The following TUBA8 variants were observed in gnomAD, a reference collection of about 807,000 sequenced individuals.
TUBA8 encodes tubulin alpha-8 chain.
Under a neutral mutation model 34.7 loss-of-function variants are expected in TUBA8, and 29 were observed. The ratio of observed to expected loss-of-function variants is 0.84; its 90% CI spans 0.62 to 1.14. The LOEUF (loss-of-function observed/expected upper bound fraction) is 1.14, where lower values mean the gene tolerates loss of function less well. TUBA8 is among the 50% of genes most tolerant of loss of function. The pLI is 0.00. For missense variants in TUBA8, 541 were observed against 599.2 expected, an observed-to-expected ratio of 0.90 and a Z score of 1.01; for synonymous variants, 226 against 231.2, an observed-to-expected ratio of 0.98 and a Z score of 0.21.
In TUBA8 at chr22:18,121,428, G is replaced by A. The variant is rs374198041; in HGVS notation, c.4-51G>A. On this transcript the variant is annotated intron_variant, in intron 1 of 4. Transcript: ENST00000330423. This position sits in a 1 kb window ranked among gnomAD's most constrained non-coding sequence, Gnocchi z 4.8. ...AATGTTATGGGGATGTAGGGCAAAGGCATGCTGGGGGCCCAGACTCTCTGA... is the reference window on the plus strand; with the variant it reads ...AATGTTATGGGGATGTAGGGCAAAGACATGCTGGGGGCCCAGACTCTCTGA... 7.8e-5 allele frequency: 119 copies of A among 1,521,794 alleles called. No homozygotes were observed. The highest frequency in any genetic ancestry group is 3.0e-4 in the Admixed American group (18 of 59,886). 94.3% of individuals were successfully genotyped at this position (1,521,794 alleles called of 1,614,324 possible).
In TUBA8 at chr22:18,121,328, C is replaced by T. The variant is rs1928137920; in HGVS notation, c.4-151C>T. 1 of 683,558 alleles carries T rather than the reference C, an allele frequency of 1.5e-6. No homozygotes were observed. Among genetic ancestry groups the T allele is most frequent in the South Asian group, 1.7e-5 (1 of 59,312 alleles). The allele number at this position is 683,558 out of a possible 1,614,324, so 42.3% of individuals were successfully genotyped here. A position where few individuals can be genotyped will look rare whatever the true frequency, so the allele number is the denominator to read the frequency against. ...TTGGATCTAAGTCCTGGTCCAGCTGCTATAGAGCTGGGGCACCTGCAGCCT... is the reference window on the plus strand; with the variant it reads ...TTGGATCTAAGTCCTGGTCCAGCTGTTATAGAGCTGGGGCACCTGCAGCCT... On this transcript the variant is annotated intron_variant, in intron 1 of 4. Coordinates refer to ENST00000330423, the MANE Select transcript of TUBA8 (RefSeq NM_018943.3). This position sits in a 1 kb window ranked among gnomAD's most constrained non-coding sequence, Gnocchi z 4.8.
chr22:18,126,223 T>G lies in TUBA8; in HGVS notation c.376-131T>G, dbSNP rs1231648549. On this transcript the variant is annotated intron_variant, in intron 3 of 4. Coordinates refer to ENST00000330423, the MANE Select transcript of TUBA8 (RefSeq NM_018943.3). This position sits in a 1 kb window ranked among gnomAD's most constrained non-coding sequence, Gnocchi z 4.0. ...ATACAACTCCTTTTGTTTCCTTACT[T>G]CTTCAAAGCTGTTTTGATTTCATCC... 1.1e-6 allele frequency: 1 copy of G among 876,328 alleles called. No individual in the cohort carries two copies. The highest frequency in any genetic ancestry group is 2.1e-5 in the Admixed American group (1 of 48,480). The allele number at this position is 876,328 out of a possible 1,614,324, so 54.3% of individuals were successfully genotyped here.
chr22:18,124,024 G>T lies in TUBA8; in HGVS notation c.227-132G>T. 9.3e-7 allele frequency: 1 copy of T among 1,075,510 alleles called. No homozygotes were observed. The highest frequency in any genetic ancestry group is 1.3e-5 in the South Asian group (1 of 75,524). 66.6% of individuals were successfully genotyped at this position (1,075,510 alleles called of 1,614,324 possible). On this transcript the variant is annotated intron_variant, in intron 2 of 4. Coordinates refer to ENST00000330423, the MANE Select transcript of TUBA8 (RefSeq NM_018943.3). This position sits in a 1 kb window ranked among gnomAD's most constrained non-coding sequence, Gnocchi z 4.3. ...TCTTAGCCTTTTGCAGATTCATTAC[G>T]AGGTGGTCTGGCTTCAAACCTCCAT...
Position 18,121,745 on chromosome 22 carries a change from C to T in TUBA8, c.226+44C>T, listed in dbSNP as rs1328717977. The stretch of plus-strand genomic sequence containing the variant: ...CCCCTCCACAGAGAACATCTCGAAA[C>T]TGCAGAGGCATTGGCCCACAGTAGC... On this transcript the variant is annotated intron_variant, in intron 2 of 4. Coordinates refer to ENST00000330423, the MANE Select transcript of TUBA8 (RefSeq NM_018943.3). This position sits in a 1 kb window ranked among gnomAD's most constrained non-coding sequence, Gnocchi z 4.8. The T allele has an allele frequency of 6.3e-7, 1 of 1,583,124 alleles. No individual in the cohort carries two copies. Among genetic ancestry groups the T allele is most frequent in the African/African-American group, 1.3e-5 (1 of 74,286 alleles).
intron 4 of TUBA8, 42 bp from the exon 5 acceptor site, chr22:18,130,801 T>G: frequency 6.2e-7 from 1 of 1,612,110 alleles, no homozygotes; most frequent in Non-Finnish European, 8.5e-7. Context: ...CTGGCTGACT[T>G]GTATCTTCTT....
Position 18,121,823 on chromosome 22 carries a change from C to T in TUBA8, c.226+122C>T, listed in dbSNP as rs1928160484. ...GTGGGGATGGTGCAACCGCAGCCTC[C>T]CACCCCACGTGACATCTGTCAGCTC... On this transcript the variant is annotated intron_variant, in intron 2 of 4. Transcript: ENST00000330423. The surrounding 1 kb of genome is among the most constrained non-coding windows in gnomAD (Gnocchi z 4.8). 1.1e-6 allele frequency: 1 copy of T among 910,530 alleles called. No individual in the cohort carries two copies. The highest frequency in any genetic ancestry group is 1.5e-5 in the South Asian group (1 of 64,552). The allele number at this position is 910,530 out of a possible 1,614,324, so 56.4% of individuals were successfully genotyped here. A position where few individuals can be genotyped will look rare whatever the true frequency, so the allele number is the denominator to read the frequency against.
At position 18,126,173 on chromosome 22, in the gene TUBA8, A is replaced by G. The variant is rs1406859863; in HGVS notation, c.376-181A>G. 7.9e-6 allele frequency: 5 copies of G among 633,454 alleles called. No individual in the cohort carries two copies. The highest frequency in any genetic ancestry group is 1.1e-5 in the Non-Finnish European group (4 of 363,268). 39.2% of individuals were successfully genotyped at this position (633,454 alleles called of 1,614,324 possible). A position where few individuals can be genotyped will look rare whatever the true frequency, so the allele number is the denominator to read the frequency against. ...GTCACTGTGCCTGGCCCCATCCCAT[A>G]TTTTAGCCACTCCTCCAAAGATCAA... On this transcript the variant is annotated intron_variant, in intron 3 of 4. Transcript: ENST00000330423. The surrounding 1 kb of genome is among the most constrained non-coding windows in gnomAD (Gnocchi z 4.0).
intron 1 of TUBA8, chr22:18,112,710 G>A (rs1927850377): frequency 1.3e-5 from 2 of 152,196 alleles, no homozygotes; most frequent in Admixed American, 1.3e-4. Flanking sequence ...ATTTTGAAAT[G>A]CGACCACCTT....
chr22:18,128,203 T>C lies in TUBA8; in HGVS notation c.1056+1169T>C, dbSNP rs889291659. ...TTGGAGTAATAAGATACTTTTATAG[T>C]TGTTCTATGATTGCTATTTTCCATT... On this transcript the variant is annotated intron_variant, in intron 4 of 4. Coordinates refer to ENST00000330423, the MANE Select transcript of TUBA8 (RefSeq NM_018943.3). The C allele has an allele frequency of 2.6e-5, 4 of 152,212 alleles. 1 individual carries two copies. Among genetic ancestry groups the C allele is most frequent in the Non-Finnish European group, 5.9e-5 (4 of 68,032 alleles). 9.4% of individuals were successfully genotyped at this position (152,212 alleles called of 1,614,324 possible). A position where few individuals can be genotyped will look rare whatever the true frequency, so the allele number is the denominator to read the frequency against.
chr22:18,126,411 A>T lies in TUBA8; in HGVS notation c.433A>T (p.Thr145Ser), dbSNP rs1928320621. 2 of 1,614,064 alleles carry T rather than the reference A, an allele frequency of 1.2e-6. No individual in the cohort carries two copies. Among genetic ancestry groups the T allele is most frequent in the African/African-American group, 1.3e-5 (1 of 75,014 alleles). Residue 145 changes from threonine to serine, a missense_variant, in exon 4 of 5, where the codon ACT becomes TCT. Physicochemically the swap from Thr to Ser is moderately conservative, Grantham distance 58. Coordinates refer to ENST00000330423, the MANE Select transcript of TUBA8 (RefSeq NM_018943.3). This position sits in a 1 kb window ranked among gnomAD's most constrained non-coding sequence, Gnocchi z 4.0. ...GATTTTCCACAGTTTTGGTGGGGGC[A>T]CTGGCTCCGGCTTCACTTCTCTGCT... Reference protein sequence around the residue: ...FLIFHSFGGGTGSGFTSLLME... With the variant: ...FLIFHSFGGGSGSGFTSLLME...
intron 4 of TUBA8, 79 bp from the exon 5 acceptor site, chr22:18,130,763 AC>A (rs1928473807): frequency 6.9e-6 from 11 of 1,591,934 alleles, no homozygotes; most frequent in Middle Eastern, 2.2e-4. Flanking sequence ...ATGCCAAGTG[AC>A]CAAGATGTCC....
intron 4 of TUBA8, chr22:18,127,296 G>A (rs1439106144): frequency 1.5e-5 from 7 of 459,204 alleles, no homozygotes; most frequent in African/African-American, 1.2e-4. Context: ...TGTTTACTGA[G>A]CAACAAGTAA....
At chr22:18,120,154 T>A (rs1314412897) in intron 1 of TUBA8, 1 of 152,332 alleles carries the variant, frequency 6.6e-6, no homozygotes, top group Non-Finnish European at 1.5e-5. Context: ...TTATTTTAGA[T>A]TCAGGGAGTA....
At chr22:18,114,360 G>A (rs1353634530) in intron 1 of TUBA8, 1 of 152,244 alleles carries the variant, frequency 6.6e-6, no homozygotes, top group African/African-American at 2.4e-5. Context: ...CCTCCTGTGA[G>A]CTCTGTTGCT....
Position 18,118,273 on chromosome 22 carries a change from A to G in TUBA8, c.4-3206A>G, listed in dbSNP as rs1317189537. On this transcript the variant is annotated intron_variant, in intron 1 of 4. Coordinates refer to ENST00000330423, the MANE Select transcript of TUBA8 (RefSeq NM_018943.3). The surrounding 1 kb of genome is among the most constrained non-coding windows in gnomAD (Gnocchi z 4.0). ...ATCTATTATTCGGTCCACATTGCTT[A>G]GCAGACATTCTTCAATTAAAGAAAA... 2.0e-5 allele frequency: 3 copies of G among 152,252 alleles called. No homozygotes were observed. In the East Asian group the frequency reaches 5.8e-4, roughly 29 times the overall value. The allele number at this position is 152,252 out of a possible 1,614,324, so 9.4% of individuals were successfully genotyped here.
chr22:18,112,364 C>T (rs2123690679), intron 1 of TUBA8: 1 of 152,268 alleles, frequency 6.6e-6, no homozygotes, highest in Non-Finnish European at 1.5e-5. Flanking sequence ...TTATTCCCTC[C>T]CTCCATAATT....
At position 18,124,011 on chromosome 22, in the gene TUBA8, G is replaced by A. The variant is rs1408000123; in HGVS notation, c.227-145G>A. The A allele has an allele frequency of 7.3e-6, 7 of 961,708 alleles. No individual in the cohort carries two copies. The highest frequency in any genetic ancestry group is 1.1e-5 in the Non-Finnish European group (7 of 621,876). 59.6% of individuals were successfully genotyped at this position (961,708 alleles called of 1,614,324 possible). A position where few individuals can be genotyped will look rare whatever the true frequency, so the allele number is the denominator to read the frequency against. ...TACCCGGGAATTCTCTTAGCCTTTT[G>A]CAGATTCATTACGAGGTGGTCTGGC... On this transcript the variant is annotated intron_variant, in intron 2 of 4. Transcript: ENST00000330423. The surrounding 1 kb of genome is among the most constrained non-coding windows in gnomAD (Gnocchi z 4.3).
intron 4 of TUBA8, 61 bp from the exon 5 acceptor site, chr22:18,130,782 A>G: frequency 3.7e-6 from 6 of 1,608,298 alleles, no homozygotes; most frequent in Non-Finnish European, 5.1e-6. Flanking sequence ...TCCCATCCTG[A>G]GTTATCCTCT....
chr22:18,131,293 T>A lies in TUBA8; in HGVS notation c.*157T>A. 1.4e-6 allele frequency: 1 copy of A among 729,866 alleles called. No individual in the cohort carries two copies. The highest frequency in any genetic ancestry group is 2.3e-6 in the Non-Finnish European group (1 of 436,052). The allele number at this position is 729,866 out of a possible 1,614,324, so 45.2% of individuals were successfully genotyped here. A position where few individuals can be genotyped will look rare whatever the true frequency, so the allele number is the denominator to read the frequency against. On this transcript the variant is annotated 3_prime_UTR_variant, in exon 5 of 5. Transcript: ENST00000330423. This position sits in a 1 kb window ranked among gnomAD's most constrained non-coding sequence, Gnocchi z 5.3. Reference sequence around the variant, plus strand: ...AGTACCCAGGGTGGCACGACTGGGCTAAGTGGACACTGAGCTTCATCAGGC... The same window carrying A: ...AGTACCCAGGGTGGCACGACTGGGCAAAGTGGACACTGAGCTTCATCAGGC...
Sources: gnomAD v4.1 joint callset for allele counts on GRCh38, gnomAD v4.1.1 for gene constraint, Gnocchi (gnomAD v3.1) non-coding constraint, MANE v1.5 for transcripts, NCBI Gene and HGNC (gene_info 2026-07-23, HGNC 2026-07-21) for gene names.